Variants in AXIN1 observed in about 807,000 individuals in gnomAD.
AXIN1 encodes the protein axin 1, also known as axin-1.
Under a neutral mutation model 76.4 loss-of-function variants are expected in AXIN1, and 30 were observed. The observed-to-expected ratio is 0.39, with a 90% CI of 0.29 to 0.53. The LOEUF (loss-of-function observed/expected upper bound fraction) is 0.53, where lower values mean the gene tolerates loss of function less well. AXIN1 is among the 20% of genes least tolerant of loss of function. The probability of loss-of-function intolerance (pLI) is 0.66; values close to 1 mark genes in which losing one functional copy is unlikely to be tolerated. For synonymous variants in AXIN1, 545 were observed against 501.4 expected (o/e 1.09, Z -1.16); for missense variants, 1,140 against 1,198.8 (o/e 0.95, Z 0.72).
chr16:296,387 A>G (rs547952584), intron 7 of AXIN1, among the ~76,000 whole-genome samples: 2 of 152,238 alleles, frequency 1.3e-5, no homozygotes, highest in African/African-American at 4.8e-5. Context: ...CAGGGCCAAC[A>G]CTTCCCAGCT....
chr16:288,297 G>C (rs781464327), intron 10 of AXIN1, 49 bp from the exon 11 acceptor site: 1 of 1,612,314 alleles, frequency 6.2e-7, no homozygotes, highest in Non-Finnish European at 8.5e-7. Flanking sequence ...ACCGCAGATG[G>C]GAAGGAGGCC....
chr16:330,370 G>A (rs532192409), intron 2 of AXIN1, among the ~76,000 whole-genome samples: 6 of 152,190 alleles, frequency 3.9e-5, no homozygotes, highest in South Asian at 2.1e-4. Context: ...GCTACCAAAC[G>A]TCTTTCATAT....
chr16:293,721 TG>T lies in AXIN1; in HGVS notation c.1956-4del, dbSNP rs1306685349. 1 of 1,612,682 alleles carries T rather than the reference TG, an allele frequency of 6.2e-7. No homozygotes were observed. The highest frequency in any genetic ancestry group is 1.7e-5 in the Admixed American group (1 of 59,998). The stretch of plus-strand genomic sequence containing the variant: ...GTGGCTTCCTCGTCCCCGAAGACCT[TG>T]GGGAACAAGAGAACAAGTTGTGACT... On this transcript the variant is annotated splice_region_variant and splice_polypyrimidine_tract_variant and intron_variant, in intron 7 of 10. Transcript: ENST00000262320. The surrounding 1 kb of genome is among the most constrained non-coding windows in gnomAD (Gnocchi z 4.6).
At position 293,004 on chromosome 16, in the gene AXIN1, A is replaced by G. The variant is rs1673737450; in HGVS notation, c.2186+484T>C. The G allele has an allele frequency of 5.8e-6, 1 of 172,814 alleles. No homozygotes were observed. The highest frequency in any genetic ancestry group is 1.3e-5 in the Non-Finnish European group (1 of 79,698). The allele number at this position is 172,814 out of a possible 1,614,324, so 10.7% of individuals were successfully genotyped here. The stretch of plus-strand genomic sequence containing the variant: ...GAGGAGGGCTGTGGGCTGGACGTCC[A>G]GGACGACACTTCTACATCTGCACGG... On this transcript the variant is annotated intron_variant, in intron 8 of 10. Coordinates refer to ENST00000262320, the MANE Select transcript of AXIN1 (RefSeq NM_003502.4). This position sits in a 1 kb window ranked among gnomAD's most constrained non-coding sequence, Gnocchi z 4.6.
chr16:293,300 G>A lies in AXIN1; in HGVS notation c.2186+188C>T, dbSNP rs1025875809. 1.4e-5 allele frequency: 9 copies of A among 636,558 alleles called. No homozygotes were observed. Among genetic ancestry groups the A allele is most frequent in the Admixed American group, 2.9e-5 (1 of 35,078 alleles). 39.4% of individuals were successfully genotyped at this position (636,558 alleles called of 1,614,324 possible). A position where few individuals can be genotyped will look rare whatever the true frequency, so the allele number is the denominator to read the frequency against. On this transcript the variant is annotated intron_variant, in intron 8 of 10. Coordinates refer to ENST00000262320, the MANE Select transcript of AXIN1 (RefSeq NM_003502.4). This position sits in a 1 kb window ranked among gnomAD's most constrained non-coding sequence, Gnocchi z 4.6. Reference sequence around the variant, plus strand: ...TGTGAAAGCTCCAGCCCCAGCCTCCGTCCACCGCAGGGTGGCCTGCCACGT... The same window carrying A: ...TGTGAAAGCTCCAGCCCCAGCCTCCATCCACCGCAGGGTGGCCTGCCACGT...
chr16:340,048 CTTT>C (rs1303507573), intron 2 of AXIN1, among the ~76,000 whole-genome samples: 2 of 147,432 alleles, frequency 1.4e-5, no homozygotes, highest in African/African-American at 4.9e-5. Context: ...TCTTCTTCTT[CTTT>C]TTTTTTTTAA....
At chr16:309,562 G>T (rs1378630840) in intron 4 of AXIN1, among the ~76,000 whole-genome samples, 1 of 152,150 alleles carries the variant, frequency 6.6e-6, no homozygotes, top group Non-Finnish European at 1.5e-5. Context: ...CGTTTACCTG[G>T]AGACGACCAC....
intron 2 of AXIN1, among the ~76,000 whole-genome samples, chr16:317,542 C>T (rs1242799939): frequency 2.6e-5 from 4 of 152,218 alleles, no homozygotes; most frequent in East Asian, 1.9e-4. Context: ...CAGACAGTCA[C>T]GGCCAGGTGA....
At chr16:295,760 G>A (rs901930190) in intron 7 of AXIN1, among the ~76,000 whole-genome samples, 2 of 151,954 alleles carry the variant, frequency 1.3e-5, no homozygotes, top group Admixed American at 6.6e-5. Flanking sequence ...TTGGGAGTTC[G>A]AGATCAGCCT....
chr16:293,604 G>C lies in AXIN1; in HGVS notation c.2070C>G (p.Ile690Met), dbSNP rs2141485995. The C allele has an allele frequency of 2.5e-6, 4 of 1,613,224 alleles. No homozygotes were observed. The highest frequency in any genetic ancestry group is 3.4e-6 in the Non-Finnish European group (4 of 1,179,966). ...GGTGGGGTGGCATGGTGGGGTCTTG[G>C]ATGAAGAGGTGGGAGGGCTGCACGG... ...RTSVQPSHLFIQDPTMPPHPA... is the reference protein window; with the variant it reads ...RTSVQPSHLFMQDPTMPPHPA... The change falls in exon 8 of 11, where the codon ATC (isoleucine) becomes ATG (methionine). Residue 690 changes from isoleucine to methionine, a missense_variant. Ile to Met is a conservative substitution (Grantham distance 10). Around this residue, in one of 3 missense-constraint regions of AXIN1, gnomAD observed 429 missense variants for 405.8 expected, o/e 1.06. Coordinates refer to ENST00000262320, the MANE Select transcript of AXIN1 (RefSeq NM_003502.4). This position sits in a 1 kb window ranked among gnomAD's most constrained non-coding sequence, Gnocchi z 4.6.
Position 301,634 on chromosome 16 carries a change from AT to A in AXIN1, c.1254+2669del, listed in dbSNP as rs920468356. Among the ~76,000 whole-genome samples, 36 of 152,206 alleles carry A rather than the reference AT, an allele frequency of 2.4e-4. 1 individual carries two copies. In the South Asian group the frequency reaches 7.3e-3, roughly 31 times the overall value. ...AGCAAGATTCCATCTCTACAAAAAT[AT>A]TTTTTTTAAAAAATGTCTCACTCAA... On this transcript the variant is annotated intron_variant, in intron 5 of 10. Transcript: ENST00000262320.
At chr16:296,414 C>T (rs1217981886) in intron 7 of AXIN1, among the ~76,000 whole-genome samples, 3 of 152,246 alleles carry the variant, frequency 2.0e-5, no homozygotes, top group Non-Finnish European at 2.9e-5. Context: ...CCTCTGACCA[C>T]GACAGGAAGG....
chr16:318,851 G>A (rs1404656064), intron 2 of AXIN1, among the ~76,000 whole-genome samples: 1 of 152,038 alleles, frequency 6.6e-6, no homozygotes. Flanking sequence ...TGCGGCTGGG[G>A]CCTTGGTGAG....
At chr16:290,818 G>A (rs964059492) in intron 9 of AXIN1, 11 of 385,434 alleles carry the variant, frequency 2.9e-5, no homozygotes, top group South Asian at 4.4e-5. Context: ...CTGCAGCCCC[G>A]AGCCTGGTCA....
Position 288,068 on chromosome 16 carries a change from A to C in AXIN1, c.*54T>G. The C allele has an allele frequency of 1.2e-6, 2 of 1,611,620 alleles. No homozygotes were observed. The highest frequency in any genetic ancestry group is 1.7e-6 in the Non-Finnish European group (2 of 1,179,872). ...GTACGAGGTCATCTGCCTGGCCGTG[A>C]CACCCGTGCCCGCCAAGGGCCTCGC... is the stretch of plus-strand genomic sequence containing the variant. On this transcript the variant is annotated 3_prime_UTR_variant, in exon 11 of 11. Transcript: ENST00000262320.
At chr16:312,522 G>A (rs529764855) in intron 3 of AXIN1, among the ~76,000 whole-genome samples, 3 of 152,294 alleles carry the variant, frequency 2.0e-5, no homozygotes, top group African/African-American at 7.2e-5. Flanking sequence ...CCAGATGCTA[G>A]GATGCATGTC....
intron 2 of AXIN1, among the ~76,000 whole-genome samples, chr16:340,543 T>G (rs1023818793): frequency 2.6e-5 from 4 of 151,918 alleles, no homozygotes; most frequent in Admixed American, 6.6e-5. Context: ...AGCCAGGGAG[T>G]GCAGGCCCTG....
chr16:306,463 G>A (rs529230195), intron 4 of AXIN1, among the ~76,000 whole-genome samples: 2 of 152,220 alleles, frequency 1.3e-5, no homozygotes, highest in African/African-American at 4.8e-5. Flanking sequence ...CAGATGGGAG[G>A]TGGGACCCTC....
intron 2 of AXIN1, among the ~76,000 whole-genome samples, chr16:335,632 G>A (rs2053788231): frequency 6.6e-6 from 1 of 151,798 alleles, no homozygotes; most frequent in Admixed American, 6.6e-5. Flanking sequence ...CCCAATAACA[G>A]CACCCAGTAC....
Sources: allele counts gnomAD v4.1 joint callset (sites outside exome capture counted in the v4.1 genomes callset), GRCh38; gene constraint gnomAD v4.1.1; regional missense constraint gnomAD v4.1.1; non-coding constraint Gnocchi (gnomAD v3.1); transcripts MANE v1.5; gene names NCBI Gene and HGNC (gene_info 2026-07-23, HGNC 2026-07-21).